AGMO: variants seen among roughly 807,000 people sequenced by gnomAD.
AGMO encodes the protein glyceryl-ether monooxygenase.
AGMO carries 75 observed loss-of-function variants against 60.2 expected under a neutral mutation model. The ratio of observed to expected loss-of-function variants is 1.25; its 90% CI spans 1.03 to 1.51. The LOEUF (loss-of-function observed/expected upper bound fraction) is 1.51, where lower values mean the gene tolerates loss of function less well. Ranked by LOEUF, AGMO falls within the 40% of genes most tolerant of loss-of-function variation. The probability of loss-of-function intolerance (pLI) is 0.00; values close to 1 mark genes in which losing one functional copy is unlikely to be tolerated. For synonymous variants in AGMO, 261 were observed against 177.1 expected (o/e 1.47, Z -3.76); for missense variants, 763 against 525.5 (o/e 1.45, Z -4.42).
At chr7:15,148,629 G>A in the AGMO span, among the ~76,000 whole-genome samples, 1 of 152,004 alleles carries the variant, frequency 6.6e-6, no homozygotes, top group East Asian at 1.9e-4. Flanking sequence ...GATACTGACT[G>A]CATCCATGTT....
intron 12 of AGMO, among the ~76,000 whole-genome samples, chr7:15,362,743 G>C (rs1782814050): frequency 6.6e-6 from 1 of 152,070 alleles, no homozygotes; most frequent in Non-Finnish European, 1.5e-5. Context: ...ATAATCCAGA[G>C]GTAAATTATT....
At chr7:15,118,642 C>A in the AGMO span, among the ~76,000 whole-genome samples, 1 of 151,954 alleles carries the variant, frequency 6.6e-6, no homozygotes, top group Admixed American at 6.6e-5. Flanking sequence ...AGTTATGAAA[C>A]CAGAGAAGTG....
At chr7:15,499,498 C>T (rs1210735778) in intron 3 of AGMO, among the ~76,000 whole-genome samples, 3 of 151,786 alleles carry the variant, frequency 2.0e-5, no homozygotes, top group African/African-American at 2.4e-5. Flanking sequence ...ACAATACACA[C>T]TTTTTTGGAG....
chr7:15,293,595 AACAT>A (rs1784334935), intron 12 of AGMO, among the ~76,000 whole-genome samples: 1 of 151,844 alleles, frequency 6.6e-6, no homozygotes, highest in Non-Finnish European at 1.5e-5. Context: ...AAAAACTGTT[AACAT>A]CTCAGCTTCT....
rs569079464 is a variant in AGMO, at chr7:15,394,982, A to T, written c.610-803T>A. ...TCTATAAATTCTAAAAATCATAGAA[A>T]CCAGGTAGGTGTCATGAAAAAAGTA... On this transcript the variant is annotated intron_variant, in intron 5 of 12. Transcript: ENST00000342526. 6.6e-5 allele frequency among the ~76,000 whole-genome samples: 10 copies of T among 152,312 alleles called. No homozygotes were observed. In the East Asian group the frequency reaches 7.7e-4, roughly 12 times the overall value.
intron 12 of AGMO, among the ~76,000 whole-genome samples, chr7:15,315,384 C>T (rs375439037): frequency 1.8e-5 from 2 of 114,110 alleles, no homozygotes; most frequent in East Asian, 6.0e-4. Context: ...TGTTGCCAGG[C>T]TGGAGTGTAG....
rs551391856 is a variant in AGMO at position 15,392,726 on chromosome 7, T to C, written c.676+1387A>G. ...CAGCAGAAGAATCACTTGAACCCGG[T>C]AGGCGGATGTTGCAGTGAGCCCAGA... is the stretch of plus-strand genomic sequence containing the variant. On this transcript the variant is annotated intron_variant, in intron 6 of 12. Transcript: ENST00000342526. Among the ~76,000 whole-genome samples the C allele has an allele frequency of 3.9e-5, 6 of 152,014 alleles. No homozygotes were observed. The South Asian group carries it at 1.2e-3, about 32-fold the overall frequency.
At chr7:15,365,983 T>C (rs998458843) in intron 11 of AGMO, among the ~76,000 whole-genome samples, 157 bp downstream of exon 11, 1 of 152,228 alleles carries the variant, frequency 6.6e-6, no homozygotes, top group African/African-American at 2.4e-5. Flanking sequence ...AGAACTGATA[T>C]AGTTAACTTC....
At chr7:15,266,662 A>C (rs183365858) in intron 12 of AGMO, among the ~76,000 whole-genome samples, 26 of 152,004 alleles carry the variant, frequency 1.7e-4, no homozygotes, top group Non-Finnish European at 3.1e-4. Context: ...CTTTTTATTT[A>C]ATGTAGGGAG....
intron 10 of AGMO, among the ~76,000 whole-genome samples, chr7:15,368,178 G>A (rs1346397333): frequency 6.6e-6 from 1 of 151,824 alleles, no homozygotes; most frequent in African/African-American, 2.4e-5. Flanking sequence ...ATACAGGATG[G>A]GTGAGTCAGT....
rs371476817 is a variant in AGMO, at chr7:15,315,604, GA to G, written c.1263+49909del. On this transcript the variant is annotated intron_variant, in intron 12 of 12. Coordinates refer to ENST00000342526, the MANE Select transcript of AGMO (RefSeq NM_001004320.2). ...GCCCACCTAGGCCTCCCACAGGCAT[GA>G]GCCACTGTGCCCAGCCATTTGCTGT... Among the ~76,000 whole-genome samples the G allele has an allele frequency of 9.7e-3, 1,476 of 152,156 alleles. 21 individuals are homozygous for G. The highest frequency in any genetic ancestry group is 0.028 in the South Asian group (137 of 4,828).
the AGMO span, among the ~76,000 whole-genome samples, chr7:15,120,059 C>T: frequency 2.4e-4 from 37 of 151,754 alleles, no homozygotes; most frequent in Non-Finnish European, 1.5e-5. Context: ...TTACTCATTA[C>T]TAGATCTTTT....
chr7:15,145,433 C>G, the AGMO span, among the ~76,000 whole-genome samples: 1 of 151,750 alleles, frequency 6.6e-6, no homozygotes, highest in Non-Finnish European at 1.5e-5. Flanking sequence ...AGTATGAATA[C>G]AATAAAAATT....
At chr7:15,351,965 G>C (rs767755995) in intron 12 of AGMO, among the ~76,000 whole-genome samples, 3 of 152,124 alleles carry the variant, frequency 2.0e-5, no homozygotes, top group Admixed American at 2.0e-4. Flanking sequence ...AGCCCAGATA[G>C]CATTTACATT....
chr7:15,553,152 C>T (rs1785019735), intron 2 of AGMO, among the ~76,000 whole-genome samples: 1 of 149,764 alleles, frequency 6.7e-6, no homozygotes, highest in South Asian at 2.1e-4. Flanking sequence ...AGGGGAATAT[C>T]ACACTCTGGG....
chr7:15,269,855 T>G (rs566965285), intron 12 of AGMO, among the ~76,000 whole-genome samples: 1 of 152,236 alleles, frequency 6.6e-6, no homozygotes, highest in East Asian at 1.9e-4. Context: ...AATGAGAACA[T>G]GTGGTATTGG....
At chr7:15,324,560 T>C (rs1164612792) in intron 12 of AGMO, among the ~76,000 whole-genome samples, 1 of 152,084 alleles carries the variant, frequency 6.6e-6, no homozygotes, top group Non-Finnish European at 1.5e-5. Flanking sequence ...TTGCCTTTCT[T>C]CTCCCCCTCA....
chr7:15,363,066 G>A (rs1007073370), intron 12 of AGMO, among the ~76,000 whole-genome samples: 2 of 152,108 alleles, frequency 1.3e-5, no homozygotes, highest in African/African-American at 4.8e-5. Flanking sequence ...AATACTGAAT[G>A]GAATAATACT....
At chr7:15,371,436 G>A (rs1377836291) in intron 10 of AGMO, among the ~76,000 whole-genome samples, 1 of 151,762 alleles carries the variant, frequency 6.6e-6, no homozygotes, top group Non-Finnish European at 1.5e-5. Context: ...TGTTGCCCAG[G>A]CTGGAGTGCA....
Sources: gnomAD v4.1 joint callset for allele counts (sites outside exome capture counted in the v4.1 genomes callset) on GRCh38, gnomAD v4.1.1 for gene constraint, MANE v1.5 for transcripts, NCBI Gene and HGNC (gene_info 2026-07-23, HGNC 2026-07-21) for gene names.